The following ASNS variants were observed in gnomAD, a reference collection of about 807,000 sequenced individuals.
ASNS encodes asparagine synthetase (glutamine-hydrolyzing).
Under a neutral mutation model 62.6 loss-of-function variants are expected in ASNS, and 37 were observed. The observed-to-expected ratio is 0.59, with a 90% confidence interval of 0.45 to 0.78. The LOEUF (loss-of-function observed/expected upper bound fraction) is 0.78. ASNS is among the 30% of genes least tolerant of loss of function. ASNS has a pLI of 0.00. For synonymous variants in ASNS, 207 were observed against 237.9 expected (o/e 0.87, Z 1.19); for missense variants, 520 against 682.4 (o/e 0.76, Z 2.65).
chr7:97,900,457 G>A, the ASNS span, among the ~76,000 whole-genome samples: 21 of 151,222 alleles, frequency 1.4e-4, no homozygotes, highest in African/African-American at 3.4e-4. Flanking sequence ...GAATTAAAAT[G>A]GTGTAGCCAC....
the ASNS span, chr7:97,899,238 T>G: frequency 2.1e-5 from 4 of 193,476 alleles, no homozygotes; most frequent in African/African-American, 9.5e-5. Flanking sequence ...CGCCTCAGCC[T>G]CCCAAAGTGC....
the ASNS span, among the ~76,000 whole-genome samples, chr7:97,924,464 C>T: frequency 6.6e-6 from 1 of 152,198 alleles, no homozygotes; most frequent in Non-Finnish European, 1.5e-5. Flanking sequence ...ATCTATATCT[C>T]GGCAGAGAAA....
In ASNS at chr7:97,855,303, C is replaced by T. The variant is rs768230014; in HGVS notation, c.1137+50G>A. ...GATGATAGAAAATAGTCAAACAATT[C>T]ATACTTTTCTTAATATAGCATGAAT... On this transcript the variant is annotated intron_variant, in intron 9 of 12. Coordinates refer to ENST00000394308, the MANE Select transcript of ASNS (RefSeq NM_001673.5). 3 of 1,306,844 alleles carry T rather than the reference C, an allele frequency of 2.3e-6. 1 individual carries two copies. The South Asian group carries it at 3.7e-5, about 16-fold the overall frequency. The allele number at this position is 1,306,844 out of a possible 1,614,324, so 81.0% of individuals were successfully genotyped here.
chr7:97,864,575 G>T, intron 3 of ASNS, 79 bp from the exon 4 acceptor site: 1 of 967,458 alleles, frequency 1.0e-6, no homozygotes, highest in Non-Finnish European at 1.6e-6. Context: ...AGATGCTTCA[G>T]TATTTCTGAG....
rs1791432350 is a variant in ASNS at position 97,856,273 on chromosome 7, G to A, written c.1030+417C>T. Among the ~76,000 whole-genome samples the A allele has an allele frequency of 5.3e-5, 8 of 152,306 alleles. 1 individual carries two copies. The South Asian group carries it at 1.7e-3, about 32-fold the overall frequency. On this transcript the variant is annotated intron_variant, in intron 8 of 12. Coordinates refer to ENST00000394308, the MANE Select transcript of ASNS (RefSeq NM_001673.5). The stretch of plus-strand genomic sequence containing the variant: ...CAAGATAAAATTAGTATTGTTTGCA[G>A]AGCAATGATAGCTAGTGACTGGTAA...
the ASNS span, among the ~76,000 whole-genome samples, chr7:97,878,894 A>G: frequency 6.6e-6 from 1 of 152,238 alleles, no homozygotes; most frequent in South Asian, 2.1e-4. Flanking sequence ...ACTTCAAACT[A>G]TACTACAAGG....
the ASNS span, among the ~76,000 whole-genome samples, chr7:97,887,248 A>T: frequency 1.3e-5 from 2 of 152,214 alleles, no homozygotes; most frequent in East Asian, 3.9e-4. Context: ...CCTGCAGGAC[A>T]TCGAGTCCCT....
At chr7:97,900,993 G>T in the ASNS span, among the ~76,000 whole-genome samples, 1 of 152,210 alleles carries the variant, frequency 6.6e-6, no homozygotes, top group Non-Finnish European at 1.5e-5. Flanking sequence ...TAAGAATACA[G>T]GCACAGTTAT....
chr7:97,861,460 A>G (rs1362766150), intron 4 of ASNS, among the ~76,000 whole-genome samples: 2 of 152,206 alleles, frequency 1.3e-5, no homozygotes, highest in African/African-American at 4.8e-5. Flanking sequence ...CCTTGTCAAA[A>G]ATAAGTTGAT....
In ASNS at chr7:97,868,557, C is replaced by G. The variant is rs190276190; in HGVS notation, c.249+351G>C. ...TGTGTGTGTGTGTAGAAAGAAAAAT[C>G]AAGCAACTATGGCAAAACATTAATG... On this transcript the variant is annotated intron_variant, in intron 3 of 12. Coordinates refer to ENST00000394308, the MANE Select transcript of ASNS (RefSeq NM_001673.5). Among the ~76,000 whole-genome samples the G allele has an allele frequency of 9.8e-4, 133 of 136,264 alleles. 1 individual carries two copies. Among genetic ancestry groups the G allele is most frequent in the Admixed American group, 2.6e-3 (29 of 11,266 alleles). 89.4% of individuals were successfully genotyped at this position (136,264 alleles called of 152,430 possible). A position where few individuals can be genotyped will look rare whatever the true frequency, so the allele number is the denominator to read the frequency against.
chr7:97,908,397 T>C, the ASNS span: 8 of 152,168 alleles, frequency 5.3e-5, no homozygotes, highest in Non-Finnish European at 7.3e-5. Flanking sequence ...TTCATATTAA[T>C]AGTTGGACTC....
In ASNS at chr7:97,855,409, T is replaced by C; in HGVS notation, c.1081A>G (p.Ile361Val). The C allele has an allele frequency of 1.2e-6, 2 of 1,612,788 alleles. No individual in the cohort carries two copies. The highest frequency in any genetic ancestry group is 1.7e-6 in the Non-Finnish European group (2 of 1,179,650). The change falls in exon 9 of 13, where the codon ATC (isoleucine) becomes GTC (valine). Residue 361 changes from isoleucine to valine, a missense_variant. Physicochemically the swap from Ile to Val is conservative, Grantham distance 29. Coordinates refer to ENST00000394308, the MANE Select transcript of ASNS (RefSeq NM_001673.5). ...TCATCTGATCCTTCTCCAGAGAAGA[T>C]CACCACGCTATCTGTGTTCTTCCGA... is the stretch of plus-strand genomic sequence containing the variant. Reference protein sequence around the residue: ...YIRKNTDSVVIFSGEGSDELT... With the variant: ...YIRKNTDSVVVFSGEGSDELT...
chr7:97,861,812 A>G (rs1201838890), intron 4 of ASNS, among the ~76,000 whole-genome samples: 1 of 152,200 alleles, frequency 6.6e-6, no homozygotes, highest in African/African-American at 2.4e-5. Flanking sequence ...ATACTTTTCC[A>G]TTTATTTAGA....
chr7:97,901,980 GA>G, the ASNS span, among the ~76,000 whole-genome samples: 6,712 of 147,570 alleles, frequency 0.045, 329 homozygotes, highest in African/African-American at 0.12. Flanking sequence ...TGTCTCAAAA[GA>G]AAAAAAAAAC....
chr7:97,885,348 G>C, the ASNS span, among the ~76,000 whole-genome samples: 1 of 152,238 alleles, frequency 6.6e-6, no homozygotes, highest in African/African-American at 2.4e-5. Context: ...ATGCTGCTAT[G>C]AGCATTTGTG....
the ASNS span, among the ~76,000 whole-genome samples, chr7:97,913,384 G>C: frequency 1.3e-5 from 2 of 152,184 alleles, no homozygotes; most frequent in African/African-American, 4.8e-5. Flanking sequence ...ATTGGGCCAG[G>C]CCCTCTCCAT....
the ASNS span, among the ~76,000 whole-genome samples, chr7:97,882,405 GGGCATGGT>G: frequency 1.3e-5 from 2 of 151,954 alleles, no homozygotes; most frequent in Admixed American, 1.3e-4. Flanking sequence ...AAAATTAGCC[GGGCATGGT>G]GGCACATGCC....
chr7:97,856,920 AAAACT>A, intron 7 of ASNS, 104 bp from the exon 8 acceptor site: 1 of 1,228,906 alleles, frequency 8.1e-7, no homozygotes, highest in Non-Finnish European at 1.1e-6. Flanking sequence ...AACAATGGTG[AAAACT>A]AAACAAGGGA....
At chr7:97,866,532 T>C (rs758445813) in intron 3 of ASNS, among the ~76,000 whole-genome samples, 6 of 152,250 alleles carry the variant, frequency 3.9e-5, no homozygotes, top group Non-Finnish European at 8.8e-5. Context: ...GAGCCATTAA[T>C]GGCAAACTAT....
Sources: gnomAD v4.1 joint callset for allele counts (sites outside exome capture counted in the v4.1 genomes callset) on GRCh38, gnomAD v4.1.1 for gene constraint, MANE v1.5 for transcripts, NCBI Gene and HGNC (gene_info 2026-07-23, HGNC 2026-07-21) for gene names.